The following SLC66A1 variants were observed in gnomAD, a reference collection of about 807,000 sequenced individuals.
The protein encoded by SLC66A1 is lysosomal amino acid transporter 1 homolog.
A neutral mutation model predicts 33.0 loss-of-function variants in SLC66A1; 23 were observed. That is an observed-to-expected ratio of 0.70 (90% confidence interval 0.50 to 0.99). SLC66A1 has a LOEUF of 0.99. SLC66A1 is among the 50% of genes least tolerant of loss of function. The pLI is 0.00. For missense variants in SLC66A1, 335 were observed against 383.6 expected (o/e 0.87, Z 1.06); for synonymous variants, 164 against 175.5 (o/e 0.93, Z 0.52).
chr1:19,326,573 A>C lies in SLC66A1; in HGVS notation c.568A>C (p.Ile190Leu). 1 of 1,614,158 alleles carries C rather than the reference A, an allele frequency of 6.2e-7. No individual in the cohort carries two copies. Reference protein sequence around the residue: ...QEVIGFVIGSISSVLYLLSRL... With the variant: ...QEVIGFVIGSLSSVLYLLSRL... Reference sequence around the variant, plus strand: ...AGTCATTGGCTTCGTCATCGGCTCCATCTCCAGCGTGTTGTACCTGCTTTC... The same window carrying C: ...AGTCATTGGCTTCGTCATCGGCTCCCTCTCCAGCGTGTTGTACCTGCTTTC... The change falls in exon 6 of 8, where the codon ATC becomes CTC. Residue 190 changes from isoleucine to leucine, a missense_variant. Transcript: ENST00000375153.
chr1:19,331,606 A>G (rs186865140), downstream of SLC66A1, among the ~76,000 whole-genome samples: 37 of 152,294 alleles, frequency 2.4e-4, no homozygotes, highest in East Asian at 6.4e-3. Context: ...AGATTTCAGG[A>G]TAAGTTACCC....
Position 19,327,316 on chromosome 1 carries a change from C to T in SLC66A1, c.708C>T (p.Leu236=), listed in dbSNP as rs776505933. ...CGCTGTATGGGCTGAGCGTGCTGCT[C>T]AAAAACCCCGAGGAGGGCCAGAGCG... The part of the protein sequence containing the change: ...GNTLYGLSVL[L]KNPEEGQSEG... The change falls in exon 7 of 8, where the codon CTC becomes CTT. Residue 236 remains leucine, a synonymous_variant. Coordinates refer to ENST00000375153, the MANE Select transcript of SLC66A1 (RefSeq NM_001040125.2). 1 of 1,613,372 alleles carries T rather than the reference C, an allele frequency of 6.2e-7. No homozygotes were observed. The highest frequency in any genetic ancestry group is 1.1e-5 in the South Asian group (1 of 91,052).
At chr1:19,331,689 G>C (rs1011778090), downstream of SLC66A1, among the ~76,000 whole-genome samples, 1 of 152,188 alleles carries the variant, frequency 6.6e-6, no homozygotes, top group Non-Finnish European at 1.5e-5. Flanking sequence ...GCTCCACCTG[G>C]GTCTGGGACC....
At chr1:19,313,327 C>T (rs1197938463) in intron 1 of SLC66A1, 1 of 738,050 alleles carries the variant, frequency 1.4e-6, no homozygotes, top group Admixed American at 1.3e-4. Flanking sequence ...TTTCTCCTTT[C>T]TCACCCGTTT....
intron 6 of SLC66A1, among the ~76,000 whole-genome samples, chr1:19,326,904 G>A (rs1460511493): frequency 6.6e-6 from 1 of 152,214 alleles, no homozygotes; most frequent in Non-Finnish European, 1.5e-5. Flanking sequence ...TTGGAGGCCT[G>A]AGGGGAGAGG....
At chr1:19,314,294 G>A (rs2093793856) in intron 1 of SLC66A1, among the ~76,000 whole-genome samples, 3 of 152,138 alleles carry the variant, frequency 2.0e-5, no homozygotes. Flanking sequence ...ATAAACCAAG[G>A]TACCTTCCTC....
intron 3 of SLC66A1, among the ~76,000 whole-genome samples, chr1:19,324,963 C>T (rs563962067): frequency 1.7e-4 from 26 of 152,358 alleles, no homozygotes; most frequent in African/African-American, 5.5e-4. Context: ...GCCTCAGTTT[C>T]CCCATCTGCA....
rs2093883122 is a variant in SLC66A1 at position 19,328,759 on chromosome 1, TC to T, written c.*118del. ...CATCAGCCTGCGGGTGGCCTCTGGA[TC>T]CTCCGTGGACCGAACCGTCCCCCCA... On this transcript the variant is annotated 3_prime_UTR_variant, in exon 8 of 8. Transcript: ENST00000375153. The surrounding 1 kb of genome is among the most constrained non-coding windows in gnomAD (Gnocchi z 4.7). 1.7e-6 allele frequency: 2 copies of T among 1,156,292 alleles called. No individual in the cohort carries two copies. The highest frequency in any genetic ancestry group is 4.1e-5 in the Admixed American group (2 of 49,156). The allele number at this position is 1,156,292 out of a possible 1,614,324, so 71.6% of individuals were successfully genotyped here.
intron 1 of SLC66A1, chr1:19,313,206 G>A (rs1255911521): frequency 5.1e-6 from 5 of 985,274 alleles, no homozygotes; most frequent in African/African-American, 1.7e-5. Flanking sequence ...AGACTGGTAG[G>A]CATCGGGCAG....
intron 2 of SLC66A1, among the ~76,000 whole-genome samples, chr1:19,320,633 T>G (rs1421425055): frequency 3.3e-5 from 5 of 151,864 alleles, no homozygotes; most frequent in East Asian, 1.9e-4. Context: ...GCCAGGATGG[T>G]CTCGATTTCC....
At chr1:19,325,750 C>G (rs1252519276) in intron 4 of SLC66A1, among the ~76,000 whole-genome samples, 168 bp downstream of exon 4, 1 of 152,202 alleles carries the variant, frequency 6.6e-6, no homozygotes, top group Non-Finnish European at 1.5e-5. Flanking sequence ...CCTTAACTGG[C>G]CAAGATAGAG....
intron 2 of SLC66A1, among the ~76,000 whole-genome samples, chr1:19,318,714 G>A (rs550301982): frequency 2.0e-5 from 3 of 151,900 alleles, no homozygotes; most frequent in South Asian, 2.1e-4. Context: ...TTGGGAGGCC[G>A]AGGCAGGAGG....
chr1:19,324,582 T>C (rs768769783), intron 2 of SLC66A1, 51 bp from the exon 3 acceptor site: 1 of 1,608,904 alleles, frequency 6.2e-7, no homozygotes, highest in East Asian at 2.2e-5. Context: ...TAAGGCGGCA[T>C]CCCCTGTAAG....
chr1:19,319,682 C>T (rs537940759), intron 2 of SLC66A1, among the ~76,000 whole-genome samples: 36 of 141,456 alleles, frequency 2.5e-4, no homozygotes, highest in African/African-American at 9.3e-4. Context: ...GCGGGCAGAT[C>T]GCCTGAGGGC....
At chr1:19,319,942 G>T (rs77049691) in intron 2 of SLC66A1, among the ~76,000 whole-genome samples, 48,454 of 149,448 alleles carry the variant, frequency 0.32, 7,911 homozygotes, top group Middle Eastern at 0.36. Context: ...GGTCCCCCAG[G>T]CTGGAGTGCG....
intron 2 of SLC66A1, 127 bp from the exon 3 acceptor site, chr1:19,324,506 C>A (rs2093853200): frequency 4.9e-6 from 6 of 1,225,852 alleles, no homozygotes; most frequent in Non-Finnish European, 6.9e-6. Context: ...GGATGGGCCG[C>A]CAGGCCACTT....
rs922819117 is a variant in SLC66A1, at chr1:19,328,365, C to T, written c.805-207C>T. On this transcript the variant is annotated intron_variant, in intron 7 of 7. Coordinates refer to ENST00000375153, the MANE Select transcript of SLC66A1 (RefSeq NM_001040125.2). This position sits in a 1 kb window ranked among gnomAD's most constrained non-coding sequence, Gnocchi z 4.7. ...GTGCTAGGCTTGGAGACAGATGGAG[C>T]TTGGCTAGGGCTTGAGGAGCCGGGC... Among the ~76,000 whole-genome samples the T allele has an allele frequency of 6.6e-6, 1 of 152,058 alleles. No homozygotes were observed.
downstream of SLC66A1, among the ~76,000 whole-genome samples, chr1:19,331,401 G>A (rs2093892141): frequency 2.6e-5 from 4 of 152,166 alleles, no homozygotes; most frequent in South Asian, 8.3e-4. Flanking sequence ...GCAGCAACAC[G>A]AGACCCTCCA....
intron 3 of SLC66A1, 60 bp downstream of exon 3, chr1:19,324,822 GC>G (rs1018133440): frequency 1.0e-4 from 164 of 1,591,430 alleles, no homozygotes; most frequent in Non-Finnish European, 1.3e-4. Flanking sequence ...CTGCAGGGTT[GC>G]CTGAGGAGAT....
Sources: gnomAD v4.1 joint callset for allele counts (sites outside exome capture counted in the v4.1 genomes callset) on GRCh38, gnomAD v4.1.1 for gene constraint, Gnocchi (gnomAD v3.1) non-coding constraint, MANE v1.5 for transcripts, NCBI Gene and HGNC (gene_info 2026-07-23, HGNC 2026-07-21) for gene names.